MAPKAP1: variants seen among roughly 807,000 people sequenced by gnomAD.
MAPKAP1 encodes the protein MAPK associated protein 1.
In MAPKAP1, 20 loss-of-function variants were observed where a neutral mutation model predicts 65.7. The observed-to-expected ratio is 0.30, with a 90% CI of 0.21 to 0.44. MAPKAP1 has a LOEUF of 0.44. Ranked by LOEUF, MAPKAP1 falls within the 20% of genes least tolerant of loss-of-function variation. The pLI is 1.00. For synonymous variants in MAPKAP1, 222 were observed against 244.3 expected (o/e 0.91, Z 0.85); for missense variants, 423 against 648.0 (o/e 0.65, Z 3.77).
At chr9:125,459,870 A>AGCT (rs1853413535) in intron 10 of MAPKAP1, among the ~76,000 whole-genome samples, 1 of 150,842 alleles carries the variant, frequency 6.6e-6, no homozygotes, top group East Asian at 1.9e-4. Flanking sequence ...AGGGAGAGGG[A>AGCT]GAGGGACGCA....
chr9:125,591,813 AC>A (rs1410529239), intron 4 of MAPKAP1, among the ~76,000 whole-genome samples: 1 of 152,230 alleles, frequency 6.6e-6, no homozygotes, highest in Non-Finnish European at 1.5e-5. Flanking sequence ...ATTTAAAAAA[AC>A]GGTGACCGAA....
At chr9:125,443,239 T>C (rs944593071) in intron 11 of MAPKAP1, among the ~76,000 whole-genome samples, 16 of 152,226 alleles carry the variant, frequency 1.1e-4, no homozygotes, top group African/African-American at 3.9e-4. Context: ...AGGTTTACCA[T>C]GTCTCATCTG....
At chr9:125,675,056 CATTT>C (rs1424061786) in intron 1 of MAPKAP1, among the ~76,000 whole-genome samples, 2 of 152,154 alleles carry the variant, frequency 1.3e-5, no homozygotes, top group Non-Finnish European at 2.9e-5. Context: ...ATACACCACA[CATTT>C]ATTTATAAAT....
At chr9:125,539,556 G>A (rs930969847) in intron 7 of MAPKAP1, among the ~76,000 whole-genome samples, 2 of 152,190 alleles carry the variant, frequency 1.3e-5, no homozygotes, top group African/African-American at 4.8e-5. Context: ...AGGGCTGATG[G>A]TTAACCGCAT....
chr9:125,580,968 T>C (rs1443243374), intron 5 of MAPKAP1, among the ~76,000 whole-genome samples: 1 of 152,266 alleles, frequency 6.6e-6, no homozygotes, highest in Non-Finnish European at 1.5e-5. Context: ...AATTGGGTGA[T>C]ATGAAACTTT....
In MAPKAP1 at chr9:125,559,742, G is replaced by C; in HGVS notation, c.739C>G (p.Pro247Ala). The change falls in exon 6 of 12, where the codon CCG (proline) becomes GCG (alanine). Residue 247 changes from proline to alanine, a missense_variant. Pro to Ala is a conservative substitution (Grantham distance 27). Around this residue, in one of 6 missense-constraint regions of MAPKAP1, gnomAD observed 98 missense variants for 200.5 expected, o/e 0.49. Coordinates refer to ENST00000265960, the MANE Select transcript of MAPKAP1 (RefSeq NM_001006617.3). ...TGAATGGGCTCATTGGAATCCAGCG[G>C]GGGGAAATCGGTGTCCACCTCCCCA... Reference protein sequence around the residue: ...DDGEVDTDFPPLDSNEPIHKF... With the variant: ...DDGEVDTDFPALDSNEPIHKF... 6.2e-7 allele frequency: 1 copy of C among 1,613,894 alleles called. No homozygotes were observed. Among genetic ancestry groups the C allele is most frequent in the Non-Finnish European group, 8.5e-7 (1 of 1,179,848 alleles).
chr9:125,499,873 GC>G (rs968929501), intron 8 of MAPKAP1, among the ~76,000 whole-genome samples: 55 of 152,174 alleles, frequency 3.6e-4, no homozygotes, highest in African/African-American at 1.3e-3. Context: ...CGTAATCATG[GC>G]TACTTGGGAG....
rs543855926 is a variant in MAPKAP1, at chr9:125,438,988, C to T, written c.1468G>A (p.Ala490Thr). The T allele has an allele frequency of 6.2e-7, 1 of 1,614,016 alleles. No homozygotes were observed. The highest frequency in any genetic ancestry group is 2.2e-5 in the East Asian group (1 of 44,882). The part of the protein sequence containing the change: ...LKVNYILESR[A>T]STARADYFAQ... Reference sequence around the variant, plus strand: ...AAGTAGTCAGCCCGGGCAGTGCTAGCTCGCGATTCCAGGATGTAGTTAACC... The same window carrying T: ...AAGTAGTCAGCCCGGGCAGTGCTAGTTCGCGATTCCAGGATGTAGTTAACC... Residue 490 changes from alanine to threonine, a missense_variant, in exon 12 of 12, where the codon GCT (alanine) becomes ACT (threonine). Ala to Thr is a moderately conservative substitution (Grantham distance 58). This residue lies in a region of MAPKAP1 where 185 missense variants were observed against 268.1 expected (regional missense o/e 0.69). Transcript: ENST00000265960.
intron 8 of MAPKAP1, 59 bp downstream of exon 8, chr9:125,506,249 CAT>C (rs1829136764): frequency 1.4e-6 from 2 of 1,432,526 alleles, no homozygotes; most frequent in African/African-American, 1.4e-5. Flanking sequence ...TTTCCAAACA[CAT>C]GACTTCTAAG....
At chr9:125,665,293 C>G (rs866627598) in intron 3 of MAPKAP1, among the ~76,000 whole-genome samples, 1 of 152,034 alleles carries the variant, frequency 6.6e-6, no homozygotes, top group South Asian at 2.1e-4. Flanking sequence ...GCCTGGGTGA[C>G]AAAAGGAGAC....
chr9:125,652,378 C>G, intron 4 of MAPKAP1: 1 of 583,418 alleles, frequency 1.7e-6, no homozygotes, highest in South Asian at 5.3e-5. Flanking sequence ...ACTTCAGGCT[C>G]GACATTGTGG....
In MAPKAP1 at chr9:125,506,408, T is replaced by C; in HGVS notation, c.968A>G (p.Tyr323Cys). 1 of 1,613,844 alleles carries C rather than the reference T, an allele frequency of 6.2e-7. No individual in the cohort carries two copies. Among genetic ancestry groups the C allele is most frequent in the Non-Finnish European group, 8.5e-7 (1 of 1,179,948 alleles). ...KGSQKVSGPQ[Y>C]RLEKQSEPNV... is the part of the protein sequence containing the mutation. ...GGGCTCGCTCTGCTTCTCCAGGCGG[T>C]ACTGAGGGCCTGGAAGATCAAAGGG... Residue 323 changes from tyrosine (Y) to cysteine (C), a missense_variant, in exon 8 of 12, where the codon TAC becomes TGC. This residue lies in a region of MAPKAP1 where 185 missense variants were observed against 268.1 expected (regional missense o/e 0.69). Transcript: ENST00000265960.
At chr9:125,464,987 AG>A (rs1283011353) in intron 10 of MAPKAP1, among the ~76,000 whole-genome samples, 1 of 152,184 alleles carries the variant, frequency 6.6e-6, no homozygotes, top group Non-Finnish European at 1.5e-5. Context: ...GTCTCAACTA[AG>A]ACTGGGGACA....
chr9:125,662,707 A>T (rs911975251), intron 3 of MAPKAP1, among the ~76,000 whole-genome samples: 2 of 151,870 alleles, frequency 1.3e-5, no homozygotes, highest in Admixed American at 6.6e-5. Flanking sequence ...TAAAAATAAA[A>T]TTTTTCTTTA....
intron 4 of MAPKAP1, chr9:125,596,026 T>G (rs1397927183): frequency 6.8e-7 from 1 of 1,479,172 alleles, no homozygotes; most frequent in East Asian, 2.3e-5. Context: ...GAACATCACC[T>G]GCGAGATTAT....
intron 9 of MAPKAP1, among the ~76,000 whole-genome samples, chr9:125,480,739 A>G (rs986018859): frequency 9.2e-5 from 14 of 151,726 alleles, no homozygotes; most frequent in East Asian, 1.9e-4. Flanking sequence ...TTGGGAGGCC[A>G]AGGCGGGTGG....
chr9:125,559,439 T>C, intron 6 of MAPKAP1, 194 bp downstream of exon 6: 1 of 501,322 alleles, frequency 2.0e-6, no homozygotes, highest in South Asian at 3.1e-5. Flanking sequence ...CAAAGCAGTC[T>C]GCGTAGCCTA....
intron 8 of MAPKAP1, among the ~76,000 whole-genome samples, chr9:125,502,527 T>G (rs1829014860): frequency 6.6e-6 from 1 of 152,230 alleles, no homozygotes; most frequent in Admixed American, 6.5e-5. Context: ...ACTTTCTAAT[T>G]TCTATTATTA....
intron 7 of MAPKAP1, among the ~76,000 whole-genome samples, chr9:125,539,339 A>G (rs1830171330): frequency 6.6e-6 from 1 of 152,238 alleles, no homozygotes; most frequent in African/African-American, 2.4e-5. Context: ...TTCCACAGAT[A>G]ATACAGAAAA....
Sources: allele counts gnomAD v4.1 joint callset (sites outside exome capture counted in the v4.1 genomes callset), GRCh38; gene constraint gnomAD v4.1.1; regional missense constraint gnomAD v4.1.1; transcripts MANE v1.5; gene names NCBI Gene and HGNC (gene_info 2026-07-23, HGNC 2026-07-21).